The following PEBP4 variants were observed in gnomAD, a reference collection of about 807,000 sequenced individuals.
PEBP4 encodes the protein phosphatidylethanolamine-binding protein 4.
PEBP4 carries 22 observed loss-of-function variants against 23.9 expected under a neutral mutation model. That is an observed-to-expected ratio of 0.92 (90% CI 0.66 to 1.31). The LOEUF (loss-of-function observed/expected upper bound fraction) is 1.31. Among genes scored for constraint, PEBP4 ranks in the 40% most tolerant of loss-of-function variants. PEBP4 has a pLI of 0.00. For synonymous variants in PEBP4, 112 were observed against 99.3 expected (o/e 1.13, Z -0.76); for missense variants, 324 against 281.7 (o/e 1.15, Z -1.07).
At chr8:22,924,588 C>T (rs1809283906) in intron 2 of PEBP4, 1 of 897,890 alleles carries the variant, frequency 1.1e-6, no homozygotes, top group Non-Finnish European at 1.3e-6. Flanking sequence ...AGAAGAGCAG[C>T]AGGGCCTCGG....
intron 3 of PEBP4, among the ~76,000 whole-genome samples, chr8:22,839,023 G>A (rs1807266928): frequency 6.6e-6 from 1 of 152,202 alleles, no homozygotes; most frequent in Non-Finnish European, 1.5e-5. Context: ...GGCAAGCTCT[G>A]GGGAAGAGGA....
intron 4 of PEBP4, among the ~76,000 whole-genome samples, chr8:22,747,124 T>C (rs1805138723): frequency 6.6e-6 from 1 of 152,238 alleles, no homozygotes; most frequent in Non-Finnish European, 1.5e-5. Flanking sequence ...CTACCATACC[T>C]GGAATTATTT....
chr8:22,777,422 C>T (rs1805834920), intron 4 of PEBP4, among the ~76,000 whole-genome samples: 1 of 152,140 alleles, frequency 6.6e-6, no homozygotes. Flanking sequence ...CCAGGGTGGG[C>T]CTGGCCTAGA....
At chr8:22,842,973 G>A (rs139550668) in intron 3 of PEBP4, among the ~76,000 whole-genome samples, 3,692 of 152,122 alleles carry the variant, frequency 0.024, 158 homozygotes, top group African/African-American at 0.084. Context: ...GATTACAGGC[G>A]CCCGCCAACA....
At chr8:22,919,439 G>A (rs1809153138) in intron 3 of PEBP4, among the ~76,000 whole-genome samples, 1 of 152,154 alleles carries the variant, frequency 6.6e-6, no homozygotes, top group African/African-American at 2.4e-5. Context: ...TGGCCCAGGA[G>A]TCAAGAAATA....
intron 4 of PEBP4, among the ~76,000 whole-genome samples, chr8:22,789,353 A>G (rs1267211828): frequency 1.3e-5 from 2 of 152,148 alleles, no homozygotes; most frequent in Non-Finnish European, 2.9e-5. Flanking sequence ...TTTGAGACGA[A>G]GAAATTCAAG....
At chr8:22,745,727 C>T (rs1302490885) in intron 4 of PEBP4, 3 of 152,200 alleles carry the variant, frequency 2.0e-5, no homozygotes, top group African/African-American at 7.2e-5. Flanking sequence ...TCCTGTTCTC[C>T]ATCTCCTGCC....
intron 4 of PEBP4, among the ~76,000 whole-genome samples, chr8:22,731,863 G>A (rs893987241): frequency 6.6e-6 from 1 of 150,426 alleles, no homozygotes; most frequent in Non-Finnish European, 1.5e-5. Context: ...TTTTAGTAGA[G>A]ACGGGGTTTC....
intron 3 of PEBP4, among the ~76,000 whole-genome samples, chr8:22,891,109 T>C (rs1808483368): frequency 6.6e-6 from 1 of 152,236 alleles, no homozygotes; most frequent in Non-Finnish European, 1.5e-5. Flanking sequence ...ATTACAGGCG[T>C]GAGCCACTGC....
At chr8:22,893,839 C>T in intron 3 of PEBP4, among the ~76,000 whole-genome samples, 1 of 152,024 alleles carries the variant, frequency 6.6e-6, no homozygotes, top group East Asian at 1.9e-4. Flanking sequence ...AATATACATG[C>T]AATAGGAGTC....
intron 4 of PEBP4, among the ~76,000 whole-genome samples, chr8:22,735,479 C>T (rs370653367): frequency 1.5e-4 from 23 of 152,314 alleles, no homozygotes; most frequent in African/African-American, 5.5e-4. Context: ...TCCGTTGAAG[C>T]CAGAACCAGC....
rs1286773365 is a variant in PEBP4 at position 22,804,252 on chromosome 8, GC to G, written c.357+13384del. 2.6e-5 allele frequency among the ~76,000 whole-genome samples: 4 copies of G among 152,176 alleles called. No individual in the cohort carries two copies. The East Asian group carries it at 7.7e-4, about 29-fold the overall frequency. ...AGGCTGAGGCAGGAGGATGACTTGGGCCCAGGAGTTGGAGGCTGCAGTGAGC... is the reference window on the plus strand; with the variant it reads ...AGGCTGAGGCAGGAGGATGACTTGGGCCAGGAGTTGGAGGCTGCAGTGAGC... On this transcript the variant is annotated intron_variant, in intron 4 of 6. Transcript: ENST00000256404.
At chr8:22,887,839 G>A (rs1023084913) in intron 3 of PEBP4, 2 of 152,172 alleles carry the variant, frequency 1.3e-5, no homozygotes, top group African/African-American at 4.8e-5. Flanking sequence ...ACCCTCTGAA[G>A]TGTCTCTGGA....
chr8:22,832,923 C>A (rs1435941069), intron 3 of PEBP4, among the ~76,000 whole-genome samples: 2 of 152,060 alleles, frequency 1.3e-5, no homozygotes, highest in African/African-American at 4.8e-5. Flanking sequence ...GGTCACTGTC[C>A]CTAGTCCCAA....
chr8:22,907,325 A>G (rs1249972714), intron 3 of PEBP4, among the ~76,000 whole-genome samples: 1 of 152,152 alleles, frequency 6.6e-6, no homozygotes, highest in Non-Finnish European at 1.5e-5. Flanking sequence ...CAGCATGGCC[A>G]ACATGGTGAA....
chr8:22,821,282 A>T (rs897725893), intron 3 of PEBP4, among the ~76,000 whole-genome samples: 5 of 152,090 alleles, frequency 3.3e-5, no homozygotes, highest in African/African-American at 4.8e-5. Flanking sequence ...ATCCAAACAA[A>T]CCCTGAAAAC....
intron 4 of PEBP4, among the ~76,000 whole-genome samples, chr8:22,804,567 C>T (rs564882392): frequency 1.3e-5 from 2 of 152,160 alleles, no homozygotes; most frequent in East Asian, 1.9e-4. Context: ...GTATAGGCAC[C>T]GTGTTGTACA....
At chr8:22,899,007 C>T (rs62492982) in intron 3 of PEBP4, among the ~76,000 whole-genome samples, 22,173 of 152,178 alleles carry the variant, frequency 0.15, 1,832 homozygotes, top group East Asian at 0.2. Flanking sequence ...TAACTAAAGT[C>T]CATTGTCCCA....
chr8:22,868,505 C>T (rs1164616237), intron 3 of PEBP4, among the ~76,000 whole-genome samples: 1 of 152,066 alleles, frequency 6.6e-6, no homozygotes, highest in Non-Finnish European at 1.5e-5. Context: ...CAGAACTCAG[C>T]CCAATTTCAT....
Sources: allele counts gnomAD v4.1 joint callset (sites outside exome capture counted in the v4.1 genomes callset), GRCh38; gene constraint gnomAD v4.1.1; transcripts MANE v1.5; gene names NCBI Gene and HGNC (gene_info 2026-07-23, HGNC 2026-07-21).